DOCK2: variants seen among roughly 807,000 people sequenced by gnomAD.
DOCK2 encodes the protein dedicator of cytokinesis protein 2.
A neutral mutation model predicts 248.9 loss-of-function variants in DOCK2; 87 were observed. That is an observed-to-expected ratio of 0.35 (90% CI 0.29 to 0.42). DOCK2 has a LOEUF of 0.42. DOCK2 is among the 10% of genes least tolerant of loss of function. The pLI, the probability that DOCK2 is intolerant of heterozygous loss-of-function variation, is 1.00. For missense variants in DOCK2, 1,747 were observed against 2,300.2 expected (o/e 0.76, Z 4.92); for synonymous variants, 805 against 821.6 (o/e 0.98, Z 0.35).
rs931581942 is a variant in DOCK2 at position 169,886,328 on chromosome 5, G to A, written c.2799+45476G>A. 3.3e-5 allele frequency among the ~76,000 whole-genome samples: 5 copies of A among 152,136 alleles called. No individual in the cohort carries two copies. In the South Asian group the frequency reaches 6.2e-4, roughly 19 times the overall value. ...CTGAGGAGATGAACCTACTGGTCCC[G>A]AGTTGCTTTACATAAAAATTCCAAA... On this transcript the variant is annotated intron_variant, in intron 27 of 51. Coordinates refer to ENST00000520908, the MANE Select transcript of DOCK2 (RefSeq NM_004946.3).
At chr5:170,000,658 A>C (rs1287821350) in intron 30 of DOCK2, among the ~76,000 whole-genome samples, 1 of 152,054 alleles carries the variant, frequency 6.6e-6, no homozygotes, top group Non-Finnish European at 1.5e-5. Context: ...GGAATCAGAG[A>C]TTATACTTGG....
At chr5:170,018,303 C>A (rs13436412) in intron 32 of DOCK2, among the ~76,000 whole-genome samples, 3,549 of 152,112 alleles carry the variant, frequency 0.023, 125 homozygotes, top group African/African-American at 0.08. Flanking sequence ...AGCAAAGGGG[C>A]ATAATGTGCA....
At chr5:169,847,759 A>G (rs1185321376) in intron 27 of DOCK2, among the ~76,000 whole-genome samples, 1 of 152,168 alleles carries the variant, frequency 6.6e-6, no homozygotes, top group East Asian at 1.9e-4. Flanking sequence ...GTTGAGGAGG[A>G]TGCAGAAGCT....
At position 169,840,871 on chromosome 5, in the gene DOCK2, C is replaced by G; in HGVS notation, c.2799+19C>G. ...TCTGATTGTGAGTGGATTATTTCTT[C>G]TTGTCAAATGTTGCAAGCTCTTCAG... On this transcript the variant is annotated intron_variant, in intron 27 of 51. Transcript: ENST00000520908. 6.2e-7 allele frequency: 1 copy of G among 1,611,984 alleles called. No homozygotes were observed. Among genetic ancestry groups the G allele is most frequent in the Non-Finnish European group, 8.5e-7 (1 of 1,178,914 alleles).
At chr5:169,768,127 G>A (rs1457620448) in intron 25 of DOCK2, among the ~76,000 whole-genome samples, 2 of 152,184 alleles carry the variant, frequency 1.3e-5, no homozygotes, top group Non-Finnish European at 2.9e-5. Flanking sequence ...ACCTTGGCCT[G>A]GAAGTGACAC....
intron 26 of DOCK2, among the ~76,000 whole-genome samples, chr5:169,809,950 G>A (rs1767634812): frequency 6.6e-6 from 1 of 152,058 alleles, no homozygotes; most frequent in Non-Finnish European, 1.5e-5. Context: ...GTGGTCCAAG[G>A]AGCAGCTTGT....
At chr5:169,678,306 C>G (rs184743856) in intron 6 of DOCK2, among the ~76,000 whole-genome samples, 41 of 151,442 alleles carry the variant, frequency 2.7e-4, no homozygotes, top group African/African-American at 9.7e-4. Context: ...GACAGAGTCT[C>G]GATCTGTCAC....
At chr5:169,905,311 G>T (rs1211175949) in intron 27 of DOCK2, among the ~76,000 whole-genome samples, 2 of 150,144 alleles carry the variant, frequency 1.3e-5, no homozygotes, top group Non-Finnish European at 1.5e-5. Flanking sequence ...TTTTTTTCAG[G>T]AGAAGCCAGA....
chr5:169,917,496 T>A (rs1366261114), intron 27 of DOCK2, among the ~76,000 whole-genome samples: 1 of 152,222 alleles, frequency 6.6e-6, no homozygotes, highest in East Asian at 1.9e-4. Flanking sequence ...TTTTTGATAA[T>A]GAAATCATCA....
intron 25 of DOCK2, among the ~76,000 whole-genome samples, chr5:169,789,987 G>C (rs959764606): frequency 3.2e-4 from 48 of 152,198 alleles, no homozygotes; most frequent in Admixed American, 2.5e-3. Context: ...ACAACACTAG[G>C]TTTTAAATCT....
chr5:169,649,032 ACC>A (rs1408990062), intron 1 of DOCK2, among the ~76,000 whole-genome samples: 3 of 152,146 alleles, frequency 2.0e-5, no homozygotes, highest in African/African-American at 7.2e-5. Flanking sequence ...GGCTGTCAAC[ACC>A]TGTCCAGAGA....
intron 33 of DOCK2, among the ~76,000 whole-genome samples, chr5:170,021,302 A>G (rs907411476): frequency 6.6e-6 from 1 of 152,224 alleles, no homozygotes; most frequent in Non-Finnish European, 1.5e-5. Flanking sequence ...GCTTGGGACC[A>G]CGTAAAGGGC....
At chr5:169,909,478 T>A (rs927117733) in intron 27 of DOCK2, among the ~76,000 whole-genome samples, 1 of 152,226 alleles carries the variant, frequency 6.6e-6, no homozygotes, top group Non-Finnish European at 1.5e-5. Flanking sequence ...ATATTTGGTT[T>A]TGGATTCACA....
At chr5:169,974,743 G>A (rs1777651858) in intron 27 of DOCK2, among the ~76,000 whole-genome samples, 1 of 152,192 alleles carries the variant, frequency 6.6e-6, no homozygotes, top group Admixed American at 6.5e-5. Flanking sequence ...GAGATGTTCA[G>A]TGTGAGGCAC....
chr5:170,063,584 G>C (rs1455317192), intron 44 of DOCK2, among the ~76,000 whole-genome samples: 1 of 152,170 alleles, frequency 6.6e-6, no homozygotes, highest in Non-Finnish European at 1.5e-5. Context: ...CAGAGCCAGA[G>C]GTTGGCACTT....
intron 26 of DOCK2, among the ~76,000 whole-genome samples, chr5:169,822,675 T>C (rs902381443): frequency 2.0e-5 from 3 of 151,998 alleles, no homozygotes; most frequent in Non-Finnish European, 2.9e-5. Context: ...AGGAAAGATC[T>C]AAAATTGACA....
intron 44 of DOCK2, among the ~76,000 whole-genome samples, chr5:170,065,766 G>T (rs141137109): frequency 6.6e-6 from 1 of 152,046 alleles, no homozygotes; most frequent in Non-Finnish European, 1.5e-5. Context: ...CCATGATTCA[G>T]TCATCTCCCA....
At chr5:169,779,372 G>A (rs1437846196) in intron 25 of DOCK2, 1 of 152,252 alleles carries the variant, frequency 6.6e-6, no homozygotes, top group Non-Finnish European at 1.5e-5. Context: ...CTTAGGGAGG[G>A]GGTGGTGGGG....
intron 42 of DOCK2, 140 bp from the exon 43 acceptor site, chr5:170,056,544 C>G (rs1757137867): frequency 1.6e-6 from 1 of 638,666 alleles, no homozygotes; most frequent in South Asian, 2.1e-5. Flanking sequence ...GAACACAGAC[C>G]TTGATTTTAA....
Sources: gnomAD v4.1 joint callset for allele counts (sites outside exome capture counted in the v4.1 genomes callset) on GRCh38, gnomAD v4.1.1 for gene constraint, MANE v1.5 for transcripts, NCBI Gene and HGNC (gene_info 2026-07-23, HGNC 2026-07-21) for gene names.